Variants in RFTN2 observed in about 807,000 individuals in gnomAD.
RFTN2 encodes raftlin-2.
In RFTN2, 34 loss-of-function variants were observed where a neutral mutation model predicts 52.7. That is an observed-to-expected ratio of 0.64 (90% confidence interval 0.49 to 0.86). The LOEUF (loss-of-function observed/expected upper bound fraction) is 0.86. RFTN2 is among the 40% of genes least tolerant of loss of function. The pLI, the probability that RFTN2 is intolerant of heterozygous loss-of-function variation, is 0.00. For missense variants in RFTN2, 536 were observed against 600.1 expected (o/e 0.89, Z 1.12); for synonymous variants, 203 against 217.7 (o/e 0.93, Z 0.59).
chr2:197,658,184 T>C (rs2088920420), intron 1 of RFTN2, among the ~76,000 whole-genome samples: 1 of 151,954 alleles, frequency 6.6e-6, no homozygotes, highest in Admixed American at 6.6e-5. Flanking sequence ...AAAATATTTT[T>C]TTTTTTTTTA....
rs540765644 is a variant in RFTN2, at chr2:197,632,338, C to T, written c.719-1118G>A. On this transcript the variant is annotated intron_variant, in intron 4 of 8. Coordinates refer to ENST00000295049, the MANE Select transcript of RFTN2 (RefSeq NM_144629.3). Reference sequence around the variant, plus strand: ...GATAGTGATAGTTGAATCATGGGAGCGGTTTCCCCCATCCTGTTCTAATAA... The same window carrying T: ...GATAGTGATAGTTGAATCATGGGAGTGGTTTCCCCCATCCTGTTCTAATAA... Among the ~76,000 whole-genome samples, 124 of 152,256 alleles carry T rather than the reference C, an allele frequency of 8.1e-4. 1 individual carries two copies. The highest frequency in any genetic ancestry group is 2.8e-3 in the African/African-American group (116 of 41,546).
rs564472802 is a variant in RFTN2, at chr2:197,674,786, G to A, written c.139+534C>T. Among the ~76,000 whole-genome samples, 3 of 151,572 alleles carry A rather than the reference G, an allele frequency of 2.0e-5. No homozygotes were observed. In the South Asian group the frequency reaches 6.3e-4, roughly 32 times the overall value. ...GAGCAAAGGAAGTGTCTTACAGAAG[G>A]CTATCTTTTTTTTTTTTTTAACTAC... On this transcript the variant is annotated intron_variant, in intron 1 of 8. Coordinates refer to ENST00000295049, the MANE Select transcript of RFTN2 (RefSeq NM_144629.3).
rs762435618 is a variant in RFTN2 at position 197,572,165 on chromosome 2, C to T, written c.1349G>A (p.Cys450Tyr). 7 of 1,614,128 alleles carry T rather than the reference C, an allele frequency of 4.3e-6. No homozygotes were observed. Among genetic ancestry groups the T allele is most frequent in the Non-Finnish European group, 5.1e-6 (6 of 1,180,046 alleles). Residue 450 changes from cysteine to tyrosine, a missense_variant, in exon 9 of 9, where the codon TGC becomes TAC. Cys to Tyr is a radical substitution (Grantham distance 194). Coordinates refer to ENST00000295049, the MANE Select transcript of RFTN2 (RefSeq NM_144629.3). ...GCATTCCCGGGAGGGAGAAAGGCGG[C>T]ACTCCTCAGGCAGGTGTCTGCTCTC... ...PAESRHLPEE[C>Y]RLSPSRECWT...
chr2:197,603,146 C>T (rs2087905768), intron 7 of RFTN2, among the ~76,000 whole-genome samples: 1 of 152,162 alleles, frequency 6.6e-6, no homozygotes, highest in Admixed American at 6.5e-5. Flanking sequence ...ATGGGTGCAG[C>T]ACACTAACAT....
chr2:197,643,255 T>G (rs2088700069), intron 3 of RFTN2, among the ~76,000 whole-genome samples: 1 of 152,050 alleles, frequency 6.6e-6, no homozygotes, highest in African/African-American at 2.4e-5. Context: ...TGCTGATTTT[T>G]TTTTCTTTCA....
intron 5 of RFTN2, among the ~76,000 whole-genome samples, chr2:197,625,247 G>T (rs1167543439): frequency 6.6e-6 from 1 of 152,180 alleles, no homozygotes; most frequent in Non-Finnish European, 1.5e-5. Flanking sequence ...TTGTGAACTT[G>T]TGTACTCCTT....
At chr2:197,584,807 A>T (rs1039794723) in intron 8 of RFTN2, among the ~76,000 whole-genome samples, 1 of 152,176 alleles carries the variant, frequency 6.6e-6, no homozygotes, top group Non-Finnish European at 1.5e-5. Context: ...CCCAGACACC[A>T]GTCCTCTAGG....
intron 1 of RFTN2, among the ~76,000 whole-genome samples, chr2:197,665,451 C>T (rs987965847): frequency 7.3e-5 from 10 of 136,626 alleles, no homozygotes; most frequent in East Asian, 2.1e-4. Flanking sequence ...CAGTGTTGGG[C>T]GCATATATGT....
chr2:197,608,310 ATTTTT>A (rs753519789), intron 7 of RFTN2, among the ~76,000 whole-genome samples: 4 of 132,228 alleles, frequency 3.0e-5, no homozygotes, highest in African/African-American at 1.1e-4. Flanking sequence ...TAGGGACCAG[ATTTTT>A]TTTTTTTTTT....
intron 1 of RFTN2, among the ~76,000 whole-genome samples, chr2:197,656,404 G>T (rs1452902123): frequency 6.6e-6 from 1 of 152,168 alleles, no homozygotes; most frequent in African/African-American, 2.4e-5. Flanking sequence ...TACTAAGCAT[G>T]TGATCTAGAA....
At chr2:197,629,469 T>G (rs937535023) in intron 5 of RFTN2, among the ~76,000 whole-genome samples, 2 of 151,906 alleles carry the variant, frequency 1.3e-5, no homozygotes, top group Non-Finnish European at 2.9e-5. Flanking sequence ...GGGGGAGGGA[T>G]AGTATTAGGA....
chr2:197,669,858 C>A (rs1262248452), intron 1 of RFTN2, among the ~76,000 whole-genome samples: 1 of 152,150 alleles, frequency 6.6e-6, no homozygotes, highest in Non-Finnish European at 1.5e-5. Flanking sequence ...ACTTCAGAAG[C>A]CTTTACCCTT....
rs575141202 is a variant in RFTN2, at chr2:197,630,934, G to A, written c.928+77C>T. The A allele has an allele frequency of 4.3e-6, 4 of 930,920 alleles. No homozygotes were observed. The East Asian group carries it at 7.5e-5, about 17-fold the overall frequency. 57.7% of individuals were successfully genotyped at this position (930,920 alleles called of 1,614,324 possible). On this transcript the variant is annotated intron_variant, in intron 5 of 8. Coordinates refer to ENST00000295049, the MANE Select transcript of RFTN2 (RefSeq NM_144629.3). ...CTGTCCTTTCAGCCATAGAACTTGAGAGGTAAAAACATTTTCACTGATTTT... is the reference window on the plus strand; with the variant it reads ...CTGTCCTTTCAGCCATAGAACTTGAAAGGTAAAAACATTTTCACTGATTTT...
intron 5 of RFTN2, among the ~76,000 whole-genome samples, chr2:197,620,259 G>A (rs2088239907): frequency 1.3e-5 from 2 of 152,048 alleles, no homozygotes; most frequent in South Asian, 4.1e-4. Context: ...ATTCCTGCTG[G>A]GAAGGAAGTT....
rs1380780416 is a variant in RFTN2 at position 197,570,184 on chromosome 2, C to G, written c.*1824G>C. 6.6e-6 allele frequency: 1 copy of G among 152,136 alleles called. No homozygotes were observed. Among genetic ancestry groups the G allele is most frequent in the East Asian group, 1.9e-4 (1 of 5,190 alleles). The allele number at this position is 152,136 out of a possible 1,614,324, so 9.4% of individuals were successfully genotyped here. ...AGTGATTGTTTCTACCAAAAATCCA[C>G]TAACTCTTGATTATGGAACTCAAGT... On this transcript the variant is annotated 3_prime_UTR_variant, in exon 9 of 9. Coordinates refer to ENST00000295049, the MANE Select transcript of RFTN2 (RefSeq NM_144629.3).
At chr2:197,589,755 G>A (rs939050634) in intron 8 of RFTN2, among the ~76,000 whole-genome samples, 3 of 152,000 alleles carry the variant, frequency 2.0e-5, no homozygotes, top group Non-Finnish European at 4.4e-5. Context: ...GGGTAAAATC[G>A]TTTGTCATGT....
chr2:197,569,397 A>G lies in RFTN2; in HGVS notation c.*2611T>C, dbSNP rs1255847732. The G allele has an allele frequency of 2.6e-5, 4 of 152,222 alleles. No homozygotes were observed. In the East Asian group the frequency reaches 7.7e-4, roughly 29 times the overall value. 9.4% of individuals were successfully genotyped at this position (152,222 alleles called of 1,614,324 possible). On this transcript the variant is annotated 3_prime_UTR_variant, in exon 9 of 9. Coordinates refer to ENST00000295049, the MANE Select transcript of RFTN2 (RefSeq NM_144629.3). ...TTTCTTTTTTTAAAATAATAGGCTC[A>G]TAGCTATTTACACACATTTAAAATA... is the stretch of plus-strand genomic sequence containing the variant.
rs2088714846 is a variant in RFTN2, at chr2:197,644,197, C to T, written c.399G>A (p.Glu133=). The change falls in exon 3 of 9, where the codon GAG becomes GAA. Residue 133 remains glutamate (E), a synonymous_variant. Coordinates refer to ENST00000295049, the MANE Select transcript of RFTN2 (RefSeq NM_144629.3). ...LVIEECPLTS[E]AQTNDAAKEL... ...CTTTTGCTGCGTCATTTGTTTGTGC[C>T]TCAGAAGTTAGGGGACATTCCTCAA... is the stretch of plus-strand genomic sequence containing the variant. The T allele has an allele frequency of 6.2e-7, 1 of 1,613,184 alleles. No individual in the cohort carries two copies. The highest frequency in any genetic ancestry group is 8.5e-7 in the Non-Finnish European group (1 of 1,179,316).
At chr2:197,593,899 A>T (rs1301094817) in intron 8 of RFTN2, among the ~76,000 whole-genome samples, 1 of 151,824 alleles carries the variant, frequency 6.6e-6, no homozygotes, top group East Asian at 1.9e-4. Context: ...AAAAAAAAAA[A>T]AGAATAAGAA....
Sources: allele counts gnomAD v4.1 joint callset (sites outside exome capture counted in the v4.1 genomes callset), GRCh38; gene constraint gnomAD v4.1.1; transcripts MANE v1.5; gene names NCBI Gene and HGNC (gene_info 2026-07-23, HGNC 2026-07-21).